The following IQCF1 variants were observed in gnomAD, a reference collection of about 807,000 sequenced individuals.
IQCF1 encodes IQ domain-containing protein F1.
In IQCF1, 9 loss-of-function variants were observed where a neutral mutation model predicts 12.5. The ratio of observed to expected loss-of-function variants is 0.72; its 90% CI spans 0.43 to 1.26. The LOEUF (loss-of-function observed/expected upper bound fraction) is 1.26. Among genes scored for constraint, IQCF1 ranks in the 50% most tolerant of loss-of-function variants. IQCF1 has a pLI of 0.00. For synonymous variants in IQCF1, 67 were observed against 96.2 expected (o/e 0.70, Z 1.78); for missense variants, 252 against 257.4 (o/e 0.98, Z 0.14).
At chr3:51,897,909 C>A (rs1301459159) in intron 2 of IQCF1, among the ~76,000 whole-genome samples, 1 of 152,178 alleles carries the variant, frequency 6.6e-6, no homozygotes, top group African/African-American at 2.4e-5. Context: ...GGCAAGACAC[C>A]CCCTGGTTTG....
chr3:51,901,024 A>T (rs1382735552), intron 2 of IQCF1, among the ~76,000 whole-genome samples: 1 of 152,226 alleles, frequency 6.6e-6, no homozygotes, highest in Non-Finnish European at 1.5e-5. Flanking sequence ...CAAGACCAAG[A>T]TAGCTATCGT....
intron 1 of IQCF1, 63 bp from the exon 2 acceptor site, chr3:51,903,152 T>G: frequency 6.3e-7 from 1 of 1,590,618 alleles, no homozygotes; most frequent in Non-Finnish European, 8.6e-7. Flanking sequence ...CCATTCAATA[T>G]GGCACACATC....
rs79810915 is a variant in IQCF1, at chr3:51,901,851, G to C, written c.108+1134C>G. ...TAACTACACTAGAGATGGTGTTAAAGGAATAGCTGAGCAATTAGGGGCTAC... is the reference window on the plus strand; with the variant it reads ...TAACTACACTAGAGATGGTGTTAAACGAATAGCTGAGCAATTAGGGGCTAC... On this transcript the variant is annotated intron_variant, in intron 2 of 3. Coordinates refer to ENST00000310914, the MANE Select transcript of IQCF1 (RefSeq NM_152397.3). Among the ~76,000 whole-genome samples, 122 of 152,380 alleles carry C rather than the reference G, an allele frequency of 8.0e-4. 2 individuals carry two copies. In the East Asian group the frequency reaches 0.01, roughly 13 times the overall value.
At chr3:51,902,918 G>T in intron 2 of IQCF1, 67 bp downstream of exon 2, 1 of 1,170,132 alleles carries the variant, frequency 8.5e-7, no homozygotes, top group Non-Finnish European at 1.3e-6. Context: ...ACAGCACCAT[G>T]CAAAAGACAC....
chr3:51,896,015 C>T (rs1698998498), intron 3 of IQCF1, among the ~76,000 whole-genome samples: 1 of 152,158 alleles, frequency 6.6e-6, no homozygotes, highest in South Asian at 2.1e-4. Flanking sequence ...TTTGAAATGG[C>T]CCTGCAAAGC....
chr3:51,895,153 C>T lies in IQCF1; in HGVS notation c.355G>A (p.Glu119Lys), dbSNP rs1335901743. ...GCCCACTCCTTCCGGGAGAAGGCCT[C>T]TAGCGCTGCCTGCCGCCTCTTCTTC... ...ILKKRRQAALEAFSRKEWAAV... is the reference protein window; with the variant it reads ...ILKKRRQAALKAFSRKEWAAV... Residue 119 changes from glutamate to lysine, a missense_variant, in exon 4 of 4, where the codon GAG becomes AAG. Coordinates refer to ENST00000310914, the MANE Select transcript of IQCF1 (RefSeq NM_152397.3). The surrounding 1 kb of genome is among the most constrained non-coding windows in gnomAD (Gnocchi z 4.8). The T allele has an allele frequency of 6.2e-7, 1 of 1,614,250 alleles. No individual in the cohort carries two copies. The highest frequency in any genetic ancestry group is 8.5e-7 in the Non-Finnish European group (1 of 1,180,054).
In IQCF1 at chr3:51,895,517, C is replaced by G. The variant is rs1698993087; in HGVS notation, c.172-181G>C. On this transcript the variant is annotated intron_variant, in intron 3 of 3. Transcript: ENST00000310914. This position sits in a 1 kb window ranked among gnomAD's most constrained non-coding sequence, Gnocchi z 4.8. ...GTAGATGTCCTGCCTCTGCCATCCT[C>G]TGGTTGATAGCCACAAGCACAACAA... is the stretch of plus-strand genomic sequence containing the variant. Among the ~76,000 whole-genome samples, 1 of 152,214 alleles carries G rather than the reference C, an allele frequency of 6.6e-6. No individual in the cohort carries two copies. Among genetic ancestry groups the G allele is most frequent in the Non-Finnish European group, 1.5e-5 (1 of 68,044 alleles).
chr3:51,901,251 T>C (rs1358185118), intron 2 of IQCF1, among the ~76,000 whole-genome samples: 1 of 152,210 alleles, frequency 6.6e-6, no homozygotes, highest in Non-Finnish European at 1.5e-5. Context: ...TTTTCCAGGA[T>C]TCTACAGCCT....
At chr3:51,896,111 A>AT (rs2106639920) in intron 3 of IQCF1, among the ~76,000 whole-genome samples, 1 of 152,306 alleles carries the variant, frequency 6.6e-6, no homozygotes, top group South Asian at 2.1e-4. Flanking sequence ...TCCTAAAGAG[A>AT]TTAACTAACA....
rs1299790628 is a variant in IQCF1 at position 51,900,401 on chromosome 3, G to A, written c.108+2584C>T. On this transcript the variant is annotated intron_variant, in intron 2 of 3. Transcript: ENST00000310914. The surrounding 1 kb of genome is among the most constrained non-coding windows in gnomAD (Gnocchi z 4.2). ...TTTCTTCTTTCCTCGCTCTATTGCT[G>A]ACCATCTAGTTATTAACATAACCAA... 6.6e-6 allele frequency among the ~76,000 whole-genome samples: 1 copy of A among 152,130 alleles called. No homozygotes were observed. Among genetic ancestry groups the A allele is most frequent in the Non-Finnish European group, 1.5e-5 (1 of 68,034 alleles).
At position 51,900,219 on chromosome 3, in the gene IQCF1, C is replaced by G. The variant is rs1361570020; in HGVS notation, c.108+2766G>C. On this transcript the variant is annotated intron_variant, in intron 2 of 3. Transcript: ENST00000310914. The surrounding 1 kb of genome is among the most constrained non-coding windows in gnomAD (Gnocchi z 4.2). ...GACTCTACCCTGTGCTGCTAACCACCGAGACTGCTGTTGTACAGCGGAAAG... is the reference window on the plus strand; with the variant it reads ...GACTCTACCCTGTGCTGCTAACCACGGAGACTGCTGTTGTACAGCGGAAAG... Among the ~76,000 whole-genome samples, 1 of 152,168 alleles carries G rather than the reference C, an allele frequency of 6.6e-6. No homozygotes were observed. Among genetic ancestry groups the G allele is most frequent in the Non-Finnish European group, 1.5e-5 (1 of 68,032 alleles).
Position 51,895,207 on chromosome 3 carries a change from A to T in IQCF1, c.301T>A (p.Trp101Arg). ...AALSACIIQC[W>R]WRLILSKILK... ...ATCTTGGACAGTATCAGCCGCCACC[A>T]GCACTGAATGATGCAGGCACTGAGG... Residue 101 changes from tryptophan to arginine, a missense_variant, in exon 4 of 4, where the codon TGG becomes AGG. By Grantham distance (101) the Trp-to-Arg change is moderately radical (BLOSUM62 -3). Transcript: ENST00000310914. This position sits in a 1 kb window ranked among gnomAD's most constrained non-coding sequence, Gnocchi z 4.8. The T allele has an allele frequency of 6.2e-7, 1 of 1,614,198 alleles. No homozygotes were observed. Among genetic ancestry groups the T allele is most frequent in the Non-Finnish European group, 8.5e-7 (1 of 1,180,046 alleles).
chr3:51,901,935 G>T (rs919794540), intron 2 of IQCF1, among the ~76,000 whole-genome samples: 1 of 152,102 alleles, frequency 6.6e-6, no homozygotes, highest in Non-Finnish European at 1.5e-5. Context: ...AGAAAGAGGA[G>T]GAGTTTGCCT....
In IQCF1 at chr3:51,895,876, A is replaced by G. The variant is rs915632501; in HGVS notation, c.172-540T>C. Among the ~76,000 whole-genome samples the G allele has an allele frequency of 1.3e-5, 2 of 152,232 alleles. No individual in the cohort carries two copies. The highest frequency in any genetic ancestry group is 4.8e-5 in the African/African-American group (2 of 41,462). On this transcript the variant is annotated intron_variant, in intron 3 of 3. Transcript: ENST00000310914. The surrounding 1 kb of genome is among the most constrained non-coding windows in gnomAD (Gnocchi z 4.8). ...TCTGGGGAGTCATGCCCCACAAATCATAACTTCTCATCAGATGGGTTTTAT... is the reference window on the plus strand; with the variant it reads ...TCTGGGGAGTCATGCCCCACAAATCGTAACTTCTCATCAGATGGGTTTTAT...
chr3:51,900,744 T>C lies in IQCF1; in HGVS notation c.108+2241A>G, dbSNP rs928068018. Among the ~76,000 whole-genome samples, 1 of 152,184 alleles carries C rather than the reference T, an allele frequency of 6.6e-6. No individual in the cohort carries two copies. The highest frequency in any genetic ancestry group is 1.5e-5 in the Non-Finnish European group (1 of 68,036). On this transcript the variant is annotated intron_variant, in intron 2 of 3. Coordinates refer to ENST00000310914, the MANE Select transcript of IQCF1 (RefSeq NM_152397.3). The surrounding 1 kb of genome is among the most constrained non-coding windows in gnomAD (Gnocchi z 4.2). ...TCCTAAAACCATACATTCATCTTAC[T>C]AGAGGGACAGCCCCCGCCTCCCACT...
intron 2 of IQCF1, among the ~76,000 whole-genome samples, chr3:51,901,334 G>A (rs898132082): frequency 5.9e-5 from 9 of 152,204 alleles, no homozygotes; most frequent in Non-Finnish European, 1.0e-4. Context: ...GTCGGCCCCC[G>A]AGGGTCATCC....
intron 2 of IQCF1, among the ~76,000 whole-genome samples, chr3:51,897,738 G>A (rs1699027497): frequency 6.6e-6 from 1 of 152,248 alleles, no homozygotes; most frequent in African/African-American, 2.4e-5. Context: ...ATGTGTGTGC[G>A]TGAATGATCA....
chr3:51,900,977 T>C lies in IQCF1; in HGVS notation c.108+2008A>G, dbSNP rs1262391046. ...TTCCTCTAAGCCTTCTTCCAAAACC[T>C]CTCACATGGAACAATTGCTCCTCCT... On this transcript the variant is annotated intron_variant, in intron 2 of 3. Coordinates refer to ENST00000310914, the MANE Select transcript of IQCF1 (RefSeq NM_152397.3). This position sits in a 1 kb window ranked among gnomAD's most constrained non-coding sequence, Gnocchi z 4.2. Among the ~76,000 whole-genome samples the C allele has an allele frequency of 2.6e-5, 4 of 152,110 alleles. No individual in the cohort carries two copies. Among genetic ancestry groups the C allele is most frequent in the Non-Finnish European group, 5.9e-5 (4 of 68,026 alleles).
chr3:51,898,073 G>A (rs1699032526), intron 2 of IQCF1, among the ~76,000 whole-genome samples: 1 of 152,148 alleles, frequency 6.6e-6, no homozygotes. Flanking sequence ...AGGGAAGAAA[G>A]AGTAGCTCCA....
Sources: allele counts gnomAD v4.1 joint callset (sites outside exome capture counted in the v4.1 genomes callset), GRCh38; gene constraint gnomAD v4.1.1; non-coding constraint Gnocchi (gnomAD v3.1); transcripts MANE v1.5; gene names NCBI Gene and HGNC (gene_info 2026-07-23, HGNC 2026-07-21).